SIX1: variants seen among roughly 807,000 people sequenced by gnomAD.
SIX1 encodes SIX homeobox 1.
SIX1 carries 11 observed loss-of-function variants against 26.5 expected under a neutral mutation model. The ratio of observed to expected loss-of-function variants is 0.41; its 90% CI spans 0.26 to 0.69. The LOEUF (loss-of-function observed/expected upper bound fraction) is 0.69, where lower values mean the gene tolerates loss of function less well. SIX1 is among the 30% of genes least tolerant of loss of function. SIX1 has a pLI of 0.28. For missense variants in SIX1, 333 were observed against 365.9 expected (o/e 0.91, Z 0.73); for synonymous variants, 177 against 166.2 (o/e 1.06, Z -0.50).
rs1895006711 is a variant in SIX1, at chr14:60,648,940, G to A, written c.250C>T (p.Gln84Ter). Reference protein sequence around the residue: ...QFSPHNHPKLQQLWLKAHYVE... With the variant: ...QFSPHNHPKL ...TAATGCGCCTTCAGCCACAGTTGCT[G>A]CAGTTTGGGGTGGTTGTGAGGCGAG... Residue 84 changes from glutamine to a stop codon, truncating the protein, a stop_gained, in exon 1 of 2, where the codon CAG (glutamine) becomes TAG (stop). Coordinates refer to ENST00000645694, the MANE Select transcript of SIX1 (RefSeq NM_005982.4). LOFTEE classifies it high-confidence loss of function. The surrounding 1 kb of genome is among the most constrained non-coding windows in gnomAD (Gnocchi z 7.9). 2 of 1,614,232 alleles carry A rather than the reference G, an allele frequency of 1.2e-6. No individual in the cohort carries two copies. Among genetic ancestry groups the A allele is most frequent in the Non-Finnish European group, 1.7e-6 (2 of 1,180,042 alleles).
chr14:60,649,252 G>A lies in SIX1; in HGVS notation c.-63C>T, dbSNP rs1220797735. The A allele has an allele frequency of 1.3e-6, 2 of 1,497,114 alleles. No individual in the cohort carries two copies. Among genetic ancestry groups the A allele is most frequent in the Admixed American group, 2.0e-5 (1 of 51,242 alleles). The allele number at this position is 1,497,114 out of a possible 1,614,324, so 92.7% of individuals were successfully genotyped here. Reference sequence around the variant, plus strand: ...CGGCAGGGAGCAGAGCCGAGAGGCAGGGGGCGGCGGCCGCAGGGAGGGGGG... The same window carrying A: ...CGGCAGGGAGCAGAGCCGAGAGGCAAGGGGCGGCGGCCGCAGGGAGGGGGG... On this transcript the variant is annotated 5_prime_UTR_variant, in exon 1 of 2. Transcript: ENST00000645694. This position sits in a 1 kb window ranked among gnomAD's most constrained non-coding sequence, Gnocchi z 5.1.
chr14:60,646,668 G>C, intron 1 of SIX1, 91 bp from the exon 2 acceptor site: 1,115 of 926,570 alleles, frequency 1.2e-3, no homozygotes, highest in Non-Finnish European at 1.6e-3. Flanking sequence ...AGGGAGGGGA[G>C]CTGGAAGGAG....
At chr14:60,646,708 C>A in intron 1 of SIX1, 131 bp from the exon 2 acceptor site, 2 of 806,540 alleles carry the variant, frequency 2.5e-6, no homozygotes, top group South Asian at 3.5e-5. Context: ...CTGTCACCAA[C>A]CCAAATGGAG....
rs984402964 is a variant in SIX1 at position 60,645,774 on chromosome 14, T to G, written c.*509A>C. On this transcript the variant is annotated 3_prime_UTR_variant, in exon 2 of 2. Coordinates refer to ENST00000645694, the MANE Select transcript of SIX1 (RefSeq NM_005982.4). This position sits in a 1 kb window ranked among gnomAD's most constrained non-coding sequence, Gnocchi z 4.6. ...TAGATTGTATTTTTCCTGTTCACCTTAAGAATGTAATCAGTTCTTCTGAGC... is the reference window on the plus strand; with the variant it reads ...TAGATTGTATTTTTCCTGTTCACCTGAAGAATGTAATCAGTTCTTCTGAGC... The G allele has an allele frequency of 6.6e-6, 1 of 152,394 alleles. No individual in the cohort carries two copies. The highest frequency in any genetic ancestry group is 1.5e-5 in the Non-Finnish European group (1 of 68,206). The allele number at this position is 152,394 out of a possible 1,614,324, so 9.4% of individuals were successfully genotyped here.
In SIX1 at chr14:60,648,918, T is replaced by G; in HGVS notation, c.272A>C (p.His91Pro). 1 of 1,614,194 alleles carries G rather than the reference T, an allele frequency of 6.2e-7. No homozygotes were observed. The highest frequency in any genetic ancestry group is 8.5e-7 in the Non-Finnish European group (1 of 1,180,024). Reference protein sequence around the residue: ...PKLQQLWLKAHYVEAEKLRGR... With the variant: ...PKLQQLWLKAPYVEAEKLRGR... The stretch of plus-strand genomic sequence containing the variant: ...GCGCAGCTTCTCGGCCTCCACGTAA[T>G]GCGCCTTCAGCCACAGTTGCTGCAG... The change falls in exon 1 of 2, where the codon CAT becomes CCT. Residue 91 changes from histidine (H) to proline (P), a missense_variant. His to Pro is a moderately conservative substitution (Grantham distance 77, BLOSUM62 -2). Around this residue, in one of 3 missense-constraint regions of SIX1, gnomAD observed 133 missense variants for 131.8 expected, o/e 1.01. Coordinates refer to ENST00000645694, the MANE Select transcript of SIX1 (RefSeq NM_005982.4). This position sits in a 1 kb window ranked among gnomAD's most constrained non-coding sequence, Gnocchi z 7.9.
rs1424654575 is a variant in SIX1 at position 60,649,397 on chromosome 14, G to C, written c.-208C>G. ...GTAGGGGAGGTTCTGGACACGGAAC[G>C]GCCGGCGCACTCAGTAGCCTTTAAG... On this transcript the variant is annotated 5_prime_UTR_variant, in exon 1 of 2. Coordinates refer to ENST00000645694, the MANE Select transcript of SIX1 (RefSeq NM_005982.4). The surrounding 1 kb of genome is among the most constrained non-coding windows in gnomAD (Gnocchi z 5.1). The C allele has an allele frequency of 5.2e-6, 3 of 578,228 alleles. No individual in the cohort carries two copies. The highest frequency in any genetic ancestry group is 1.9e-5 in the African/African-American group (1 of 52,516). The allele number at this position is 578,228 out of a possible 1,614,324, so 35.8% of individuals were successfully genotyped here.
At chr14:60,646,603 T>C (rs1263304285) in intron 1 of SIX1, 26 bp from the exon 2 acceptor site, 10 of 1,225,926 alleles carry the variant, frequency 8.2e-6, no homozygotes, top group Admixed American at 3.5e-5. Context: ...CAACACCATA[T>C]GGTTAAAAAA....
chr14:60,646,685 GC>G, intron 1 of SIX1, 108 bp from the exon 2 acceptor site: 1 of 959,790 alleles, frequency 1.0e-6, no homozygotes, highest in Non-Finnish European at 1.5e-6. Flanking sequence ...GGAGGAAAGG[GC>G]CATTGTGCAA....
Position 60,643,587 on chromosome 14 carries a change from G to C in SIX1, c.*2696C>G, listed in dbSNP as rs1357900402. On this transcript the variant is annotated 3_prime_UTR_variant, in exon 2 of 2. Transcript: ENST00000645694. ...ACTGCGACGCCCAGAAGGTAAACTG[G>C]AGGTCCCTTAACAGCTGGTTCTCGA... The C allele has an allele frequency of 1.3e-5, 2 of 152,116 alleles. No individual in the cohort carries two copies. Among genetic ancestry groups the C allele is most frequent in the Non-Finnish European group, 2.9e-5 (2 of 68,020 alleles). The allele number at this position is 152,116 out of a possible 1,614,324, so 9.4% of individuals were successfully genotyped here.
intron 1 of SIX1, 125 bp from the exon 2 acceptor site, chr14:60,646,702 C>T: frequency 1.2e-6 from 1 of 843,914 alleles, no homozygotes; most frequent in Non-Finnish European, 1.8e-6. Context: ...TGCAATCTGT[C>T]ACCAACCCAA....
At position 60,646,343 on chromosome 14, in the gene SIX1, A is replaced by T. The variant is rs1375362861; in HGVS notation, c.795T>A (p.His265Gln). ...QPSHGLQTHQ[H>Q]QLQDSLLGPL... ...GGCCGAGCAGAGAGTCTTGGAGCTGATGCTGGTGGGTCTGCAGGCCGTGAC... is the reference window on the plus strand; with the variant it reads ...GGCCGAGCAGAGAGTCTTGGAGCTGTTGCTGGTGGGTCTGCAGGCCGTGAC... Residue 265 changes from histidine (H) to glutamine (Q), a missense_variant, in exon 2 of 2, where the codon CAT (histidine) becomes CAA (glutamine). Coordinates refer to ENST00000645694, the MANE Select transcript of SIX1 (RefSeq NM_005982.4). 4 of 1,614,042 alleles carry T rather than the reference A, an allele frequency of 2.5e-6. No homozygotes were observed. Among genetic ancestry groups the T allele is most frequent in the Middle Eastern group, 1.7e-4 (1 of 6,044 alleles).
Position 60,647,999 on chromosome 14 carries a change from A to C in SIX1, c.560+631T>G, listed in dbSNP as rs144104362. On this transcript the variant is annotated intron_variant, in intron 1 of 1. Transcript: ENST00000645694. The surrounding 1 kb of genome is among the most constrained non-coding windows in gnomAD (Gnocchi z 5.1). ...GCGCGAGCGAGCACGGCGAGGATCA[A>C]CCCTTTCTTAATTTGGGGCGCCGGG... is the stretch of plus-strand genomic sequence containing the variant. Among the ~76,000 whole-genome samples the C allele has an allele frequency of 0.011, 1,630 of 152,200 alleles. 114 individuals carry two copies. Among genetic ancestry groups the C allele is most frequent in the Admixed American group, 0.099 (1,516 of 15,292 alleles).
rs568074704 is a variant in SIX1 at position 60,648,460 on chromosome 14, G to A, written c.560+170C>T. Among the ~76,000 whole-genome samples the A allele has an allele frequency of 6.6e-5, 10 of 152,340 alleles. No homozygotes were observed. The East Asian group carries it at 1.7e-3, about 27-fold the overall frequency. ...GCCCCATCCTTAGCAAGGAACCTCA[G>A]AGTTCATGAACTTTCGCTGCAGCGC... On this transcript the variant is annotated intron_variant, in intron 1 of 1. Coordinates refer to ENST00000645694, the MANE Select transcript of SIX1 (RefSeq NM_005982.4). The surrounding 1 kb of genome is among the most constrained non-coding windows in gnomAD (Gnocchi z 7.9).
In SIX1 at chr14:60,646,495, T is replaced by C. The variant is rs560990241; in HGVS notation, c.643A>G (p.Ser215Gly). ...GGAGGTGAGAATTCCTCTTCTGAGCTGGACATGAGCGGCTTGCCCCCTTCC... is the reference window on the plus strand; with the variant it reads ...GGAGGTGAGAATTCCTCTTCTGAGCCGGACATGAGCGGCTTGCCCCCTTCC... ...PLEGGKPLMS[S>G]SEEEFSPPQS... The change falls in exon 2 of 2, where the codon AGC (serine) becomes GGC (glycine). Residue 215 changes from serine to glycine, a missense_variant. Transcript: ENST00000645694. The C allele has an allele frequency of 1.2e-6, 2 of 1,613,642 alleles. No individual in the cohort carries two copies. The highest frequency in any genetic ancestry group is 2.7e-5 in the African/African-American group (2 of 74,878).
rs189824089 is a variant in SIX1, at chr14:60,643,586, G to A, written c.*2697C>T. On this transcript the variant is annotated 3_prime_UTR_variant, in exon 2 of 2. Coordinates refer to ENST00000645694, the MANE Select transcript of SIX1 (RefSeq NM_005982.4). ...AACTGCGACGCCCAGAAGGTAAACT[G>A]GAGGTCCCTTAACAGCTGGTTCTCG... The A allele has an allele frequency of 9.2e-5, 14 of 152,238 alleles. No individual in the cohort carries two copies. The highest frequency in any genetic ancestry group is 9.1e-4 in the Admixed American group (14 of 15,304). 9.4% of individuals were successfully genotyped at this position (152,238 alleles called of 1,614,324 possible).
At position 60,648,227 on chromosome 14, in the gene SIX1, G is replaced by C. The variant is rs1894985579; in HGVS notation, c.560+403C>G. ...TTCACCCCTCTGGGGAGCAAGAGGA[G>C]AGAGGTTCGCGAACCTCAGCTCCCA... On this transcript the variant is annotated intron_variant, in intron 1 of 1. Coordinates refer to ENST00000645694, the MANE Select transcript of SIX1 (RefSeq NM_005982.4). The surrounding 1 kb of genome is among the most constrained non-coding windows in gnomAD (Gnocchi z 7.9). 6.6e-6 allele frequency among the ~76,000 whole-genome samples: 1 copy of C among 152,140 alleles called. No homozygotes were observed. Among genetic ancestry groups the C allele is most frequent in the Non-Finnish European group, 1.5e-5 (1 of 68,028 alleles).
chr14:60,648,612 G>A lies in SIX1; in HGVS notation c.560+18C>T, dbSNP rs769538794. 2 of 1,601,702 alleles carry A rather than the reference G, an allele frequency of 1.2e-6. No homozygotes were observed. Among genetic ancestry groups the A allele is most frequent in the South Asian group, 1.1e-5 (1 of 89,692 alleles). On this transcript the variant is annotated intron_variant, in intron 1 of 1. Coordinates refer to ENST00000645694, the MANE Select transcript of SIX1 (RefSeq NM_005982.4). The surrounding 1 kb of genome is among the most constrained non-coding windows in gnomAD (Gnocchi z 7.9). Reference sequence around the variant, plus strand: ...GGCTTCCTAGGGTCGCCCGAGTCGCGGGAAGCACGCCGCGTACCTTTCCTT... The same window carrying A: ...GGCTTCCTAGGGTCGCCCGAGTCGCAGGAAGCACGCCGCGTACCTTTCCTT...
Position 60,649,238 on chromosome 14 carries a change from A to C in SIX1, c.-49T>G. ...GGCCCAGGCGCACGCGGCAGGGAGC[A>C]GAGCCGAGAGGCAGGGGGCGGCGGC... On this transcript the variant is annotated 5_prime_UTR_variant, in exon 1 of 2. Coordinates refer to ENST00000645694, the MANE Select transcript of SIX1 (RefSeq NM_005982.4). The surrounding 1 kb of genome is among the most constrained non-coding windows in gnomAD (Gnocchi z 5.1). The C allele has an allele frequency of 1.9e-6, 3 of 1,559,912 alleles. No homozygotes were observed. Among genetic ancestry groups the C allele is most frequent in the Non-Finnish European group, 2.6e-6 (3 of 1,150,728 alleles).
rs1254929177 is a variant in SIX1 at position 60,644,219 on chromosome 14, AT to A, written c.*2063del. 1 of 152,190 alleles carries A rather than the reference AT, an allele frequency of 6.6e-6. No individual in the cohort carries two copies. Among genetic ancestry groups the A allele is most frequent in the East Asian group, 1.9e-4 (1 of 5,194 alleles). 9.4% of individuals were successfully genotyped at this position (152,190 alleles called of 1,614,324 possible). A position where few individuals can be genotyped will look rare whatever the true frequency, so the allele number is the denominator to read the frequency against. The stretch of plus-strand genomic sequence containing the variant: ...GAGTGAATGTGAAGAATGTGAGGAG[AT>A]TCCCTGTGAGAGCCCCTCCTGCAGA... On this transcript the variant is annotated 3_prime_UTR_variant, in exon 2 of 2. Transcript: ENST00000645694.
Sources: gnomAD v4.1 joint callset for allele counts (sites outside exome capture counted in the v4.1 genomes callset) on GRCh38, gnomAD v4.1.1 for gene constraint, gnomAD v4.1.1 regional missense constraint, Gnocchi (gnomAD v3.1) non-coding constraint, MANE v1.5 for transcripts, NCBI Gene and HGNC (gene_info 2026-07-23, HGNC 2026-07-21) for gene names.